The following PDZD8 variants were observed in gnomAD, a reference collection of about 807,000 sequenced individuals.
PDZD8 encodes PDZ domain-containing protein 8.
In PDZD8, 14 loss-of-function variants were observed where a neutral mutation model predicts 85.8. That is an observed-to-expected ratio of 0.16 (90% CI 0.11 to 0.26). The LOEUF is 0.26. PDZD8 is among the 10% of genes least tolerant of loss of function. The pLI is 1.00. For missense variants in PDZD8, 1,197 were observed against 1,424.3 expected (o/e 0.84, Z 2.57); for synonymous variants, 592 against 568.6 (o/e 1.04, Z -0.59).
chr10:117,332,455 T>A (rs1259641994), intron 2 of PDZD8, among the ~76,000 whole-genome samples: 1 of 150,672 alleles, frequency 6.6e-6, no homozygotes, highest in South Asian at 2.1e-4. Context: ...ACTTCTAACA[T>A]AATATAAAAG....
In PDZD8 at chr10:117,374,772, C is replaced by T; in HGVS notation, c.456G>A (p.Glu152=). 6.2e-7 allele frequency: 1 copy of T among 1,613,010 alleles called. No individual in the cohort carries two copies. The highest frequency in any genetic ancestry group is 8.5e-7 in the Non-Finnish European group (1 of 1,179,860). The change falls in exon 1 of 5, where the codon GAG becomes GAA. Residue 152 remains glutamate, a synonymous_variant. Coordinates refer to ENST00000334464, the MANE Select transcript of PDZD8 (RefSeq NM_173791.5). This position sits in a 1 kb window ranked among gnomAD's most constrained non-coding sequence, Gnocchi z 7.8. ...GLSLRDVFLG[E]TVPFIKTIRL... ...GGATGGTCTTGATGAAGGGCACCGT[C>T]TCGCCCAGGAACACGTCCCGCAGGC...
chr10:117,343,424 A>G (rs1286140343), intron 1 of PDZD8, among the ~76,000 whole-genome samples: 1 of 152,192 alleles, frequency 6.6e-6, no homozygotes, highest in African/African-American at 2.4e-5. Context: ...CTGGCACCAA[A>G]TTTTTAGAGG....
At chr10:117,362,305 ATAAAT>A (rs1845012810) in intron 1 of PDZD8, among the ~76,000 whole-genome samples, 1 of 152,158 alleles carries the variant, frequency 6.6e-6, no homozygotes, top group Non-Finnish European at 1.5e-5. Flanking sequence ...AGCAAAGTGA[ATAAAT>A]AATGCCATCT....
rs952354933 is a variant in PDZD8, at chr10:117,369,842, C to T, written c.872+4514G>A. On this transcript the variant is annotated intron_variant, in intron 1 of 4. Coordinates refer to ENST00000334464, the MANE Select transcript of PDZD8 (RefSeq NM_173791.5). The stretch of plus-strand genomic sequence containing the variant: ...TAACAGAAGCCACAAATCCAAAACA[C>T]ACAGAATTTTCCATTTTTTAAACAG... 3.3e-5 allele frequency among the ~76,000 whole-genome samples: 5 copies of T among 152,146 alleles called. No individual in the cohort carries two copies. The East Asian group carries it at 9.6e-4, about 29-fold the overall frequency.
rs1453578328 is a variant in PDZD8 at position 117,281,755 on chromosome 10, T to A, written c.*1513A>T. On this transcript the variant is annotated 3_prime_UTR_variant, in exon 5 of 5. Transcript: ENST00000334464. ...TTAATGGAAGGGCTTGAACTTAAAC[T>A]CTTTTATGGAGTCCTGGAGTCTAGA... 6.6e-6 allele frequency: 1 copy of A among 152,154 alleles called. No individual in the cohort carries two copies. The highest frequency in any genetic ancestry group is 6.5e-5 in the Admixed American group (1 of 15,272). 9.4% of individuals were successfully genotyped at this position (152,154 alleles called of 1,614,324 possible). A position where few individuals can be genotyped will look rare whatever the true frequency, so the allele number is the denominator to read the frequency against.
chr10:117,315,725 G>A (rs1026138611), intron 3 of PDZD8, among the ~76,000 whole-genome samples: 4 of 151,836 alleles, frequency 2.6e-5, no homozygotes, highest in African/African-American at 9.7e-5. Context: ...CAAACAATGT[G>A]TGCTACTGTG....
intron 3 of PDZD8, among the ~76,000 whole-genome samples, chr10:117,294,655 G>C (rs936319350): frequency 2.3e-4 from 35 of 152,140 alleles, no homozygotes; most frequent in Middle Eastern, 3.2e-3. Context: ...TACAAACACA[G>C]TGGAATACTA....
At chr10:117,286,483 T>C (rs558772554) in intron 4 of PDZD8, among the ~76,000 whole-genome samples, 6 of 152,246 alleles carry the variant, frequency 3.9e-5, no homozygotes, top group Non-Finnish European at 7.3e-5. Flanking sequence ...TCTCATAACT[T>C]GACTTCAGGT....
chr10:117,298,261 A>G (rs1843788349), intron 3 of PDZD8, among the ~76,000 whole-genome samples: 1 of 152,140 alleles, frequency 6.6e-6, no homozygotes, highest in Admixed American at 6.6e-5. Context: ...GCATGTGGTT[A>G]AAAAATCAAA....
At chr10:117,333,765 C>T (rs1220886771) in intron 2 of PDZD8, among the ~76,000 whole-genome samples, 2 of 152,134 alleles carry the variant, frequency 1.3e-5, no homozygotes, top group East Asian at 3.8e-4. Flanking sequence ...GGATTAATTC[C>T]CTATTTCTCT....
At chr10:117,338,586 A>G (rs781066041) in intron 2 of PDZD8, among the ~76,000 whole-genome samples, 5 of 152,338 alleles carry the variant, frequency 3.3e-5, no homozygotes, top group Admixed American at 6.5e-5. Flanking sequence ...ACCCCTGTCC[A>G]TCATCATCAA....
At chr10:117,357,003 T>C (rs912358833) in intron 1 of PDZD8, among the ~76,000 whole-genome samples, 1 of 152,182 alleles carries the variant, frequency 6.6e-6, no homozygotes, top group Non-Finnish European at 1.5e-5. Context: ...AATAAAGCAG[T>C]AAAATGTTTA....
intron 1 of PDZD8, among the ~76,000 whole-genome samples, chr10:117,366,321 T>A (rs1193642183): frequency 6.6e-6 from 1 of 152,228 alleles, no homozygotes; most frequent in South Asian, 2.1e-4. Flanking sequence ...GAAATATTTT[T>A]ATGCAGAAAA....
At chr10:117,285,638 G>A (rs1589993645) in intron 4 of PDZD8, 167 bp from the exon 5 acceptor site, 1 of 1,165,196 alleles carries the variant, frequency 8.6e-7, no homozygotes, top group South Asian at 2.4e-5. Flanking sequence ...GCTTTTGGAT[G>A]AATCAGTGTG....
chr10:117,280,885 A>G lies in PDZD8; in HGVS notation c.*2383T>C, dbSNP rs1171903066. ...CAGCAACATGCTTGGGTATCATGAAAACTTCCATGGTTTAATCAATAAACA... is the reference window on the plus strand; with the variant it reads ...CAGCAACATGCTTGGGTATCATGAAGACTTCCATGGTTTAATCAATAAACA... On this transcript the variant is annotated 3_prime_UTR_variant, in exon 5 of 5. Coordinates refer to ENST00000334464, the MANE Select transcript of PDZD8 (RefSeq NM_173791.5). The G allele has an allele frequency of 1.3e-5, 2 of 152,220 alleles. No homozygotes were observed. The highest frequency in any genetic ancestry group is 1.3e-4 in the Admixed American group (2 of 15,280). 9.4% of individuals were successfully genotyped at this position (152,220 alleles called of 1,614,324 possible).
chr10:117,319,596 C>T (rs560815543), intron 2 of PDZD8, among the ~76,000 whole-genome samples: 1 of 152,222 alleles, frequency 6.6e-6, no homozygotes, highest in Admixed American at 6.5e-5. Context: ...CTAGCAAACA[C>T]TAAGTGCTCA....
At chr10:117,287,199 C>A (rs1844678557) in intron 4 of PDZD8, among the ~76,000 whole-genome samples, 1 of 152,070 alleles carries the variant, frequency 6.6e-6, no homozygotes, top group Non-Finnish European at 1.5e-5. Context: ...TAAACTTTTT[C>A]TTCCTTTTCT....
At chr10:117,369,376 C>T (rs767698285) in intron 1 of PDZD8, among the ~76,000 whole-genome samples, 20 of 151,966 alleles carry the variant, frequency 1.3e-4, no homozygotes, top group Non-Finnish European at 4.4e-5. Context: ...CCAGGCTGGT[C>T]TCGAACTCCT....
intron 2 of PDZD8, among the ~76,000 whole-genome samples, chr10:117,322,417 T>A (rs1023430369): frequency 1.3e-5 from 2 of 152,164 alleles, no homozygotes; most frequent in African/African-American, 4.8e-5. Flanking sequence ...TCTTTTGCCC[T>A]GAGTTCCCTG....
Sources: gnomAD v4.1 joint callset for allele counts (sites outside exome capture counted in the v4.1 genomes callset) on GRCh38, gnomAD v4.1.1 for gene constraint, Gnocchi (gnomAD v3.1) non-coding constraint, MANE v1.5 for transcripts, NCBI Gene and HGNC (gene_info 2026-07-23, HGNC 2026-07-21) for gene names.